Variants in CD59 observed in about 807,000 individuals in gnomAD.
The protein encoded by CD59 is CD59 molecule (CD59 blood group), also known as CD59 glycoprotein.
CD59 carries 3 observed loss-of-function variants against 7.0 expected under a neutral mutation model. The observed-to-expected ratio is 0.43, with a 90% CI of 0.19 to 1.10. The LOEUF is 1.10. Among genes scored for constraint, CD59 ranks in the 50% least tolerant of loss-of-function variants. The pLI is 0.29. For synonymous variants in CD59, 60 were observed against 62.0 expected, an observed-to-expected ratio of 0.97 and a Z score of 0.15; for missense variants, 143 against 151.0, an observed-to-expected ratio of 0.95 and a Z score of 0.28.
At chr11:33,722,518 T>C in intron 1 of CD59, 55 bp from the exon 2 acceptor site, 1 of 1,604,518 alleles carries the variant, frequency 6.2e-7, no homozygotes, top group Non-Finnish European at 8.5e-7. Context: ...CTGCTGGTTG[T>C]CTCAAAAACC....
At chr11:33,735,589 C>G (rs1477135752) in intron 1 of CD59, among the ~76,000 whole-genome samples, 2 of 152,052 alleles carry the variant, frequency 1.3e-5, no homozygotes, top group Non-Finnish European at 2.9e-5. Flanking sequence ...CGGCCCGAGC[C>G]GACCCAAGAA....
intron 1 of CD59, among the ~76,000 whole-genome samples, chr11:33,729,190 T>C (rs368504191): frequency 1.3e-5 from 2 of 152,188 alleles, no homozygotes; most frequent in East Asian, 3.8e-4. Context: ...CATTCTACTA[T>C]AAAGACACAT....
chr11:33,717,338 A>G (rs1300734990), intron 3 of CD59, 32 bp downstream of exon 3: 4 of 1,405,942 alleles, frequency 2.8e-6, no homozygotes, highest in Non-Finnish European at 4.0e-6. Context: ...TTACCCCATT[A>G]CATTTAGGAG....
Position 33,703,804 on chromosome 11 carries a change from G to A in CD59, c.*6322C>T, listed in dbSNP as rs1853196063. On this transcript the variant is annotated 3_prime_UTR_variant, in exon 4 of 4. Coordinates refer to ENST00000642928, the MANE Select transcript of CD59 (RefSeq NM_000611.6). Reference sequence around the variant, plus strand: ...CTGTCAGGAGGAGAGGGGCCAGAAGGGTCACACTGAAGAAATGTGACATGA... The same window carrying A: ...CTGTCAGGAGGAGAGGGGCCAGAAGAGTCACACTGAAGAAATGTGACATGA... 1 of 152,238 alleles carries A rather than the reference G, an allele frequency of 6.6e-6. No individual in the cohort carries two copies. Among genetic ancestry groups the A allele is most frequent in the African/African-American group, 2.4e-5 (1 of 41,426 alleles). 9.4% of individuals were successfully genotyped at this position (152,238 alleles called of 1,614,324 possible).
intron 2 of CD59, chr11:33,719,041 C>T (rs1853930343): frequency 6.6e-6 from 1 of 152,228 alleles, no homozygotes; most frequent in African/African-American, 2.4e-5. Context: ...TAAAATCTCA[C>T]AAAAGAATGT....
At chr11:33,730,013 C>T (rs2133571508) in intron 1 of CD59, among the ~76,000 whole-genome samples, 1 of 152,144 alleles carries the variant, frequency 6.6e-6, no homozygotes, top group South Asian at 2.1e-4. Context: ...AGATAAACTG[C>T]ATAGCCTAGA....
intron 3 of CD59, among the ~76,000 whole-genome samples, chr11:33,716,051 T>C (rs921646764): frequency 2.6e-5 from 4 of 152,330 alleles, no homozygotes; most frequent in East Asian, 3.9e-4. Context: ...ATGTTCTCGC[T>C]AGGGGCCTTA....
chr11:33,710,687 C>CT (rs1167159582), intron 3 of CD59, among the ~76,000 whole-genome samples: 1 of 151,474 alleles, frequency 6.6e-6, no homozygotes, highest in Non-Finnish European at 1.5e-5. Flanking sequence ...AGAATTTACG[C>CT]TATGAAGTTA....
intron 1 of CD59, among the ~76,000 whole-genome samples, chr11:33,724,500 C>T (rs576753896): frequency 5.3e-5 from 8 of 152,288 alleles, no homozygotes; most frequent in Non-Finnish European, 1.0e-4. Context: ...GAGATAGTTA[C>T]ATGTACTGCA....
intron 1 of CD59, among the ~76,000 whole-genome samples, chr11:33,735,978 G>C (rs937034452): frequency 6.6e-6 from 1 of 152,066 alleles, no homozygotes; most frequent in East Asian, 1.9e-4. Context: ...TAGACCGCGA[G>C]GGGAGAGAGG....
At chr11:33,710,425 A>G in intron 3 of CD59, 82 bp from the exon 4 acceptor site, 1 of 1,119,412 alleles carries the variant, frequency 8.9e-7, no homozygotes, top group South Asian at 1.3e-5. Context: ...TCTATTTCGT[A>G]TGTATCCTGT....
At chr11:33,721,121 A>G (rs1854040658) in intron 2 of CD59, among the ~76,000 whole-genome samples, 1 of 152,218 alleles carries the variant, frequency 6.6e-6, no homozygotes, top group South Asian at 2.1e-4. Flanking sequence ...AAATGAATAA[A>G]TAAAAAATAA....
rs544219092 is a variant in CD59 at position 33,723,369 on chromosome 11, T to A, written c.-18-906A>T. 3.9e-5 allele frequency among the ~76,000 whole-genome samples: 6 copies of A among 152,270 alleles called. No homozygotes were observed. In the East Asian group the frequency reaches 9.7e-4, roughly 25 times the overall value. On this transcript the variant is annotated intron_variant, in intron 1 of 3. Transcript: ENST00000642928. ...CCTGGGGAACTGACAATCCTGACAA[T>A]CATTCCTGTCCCTTCCTTCTCACAC...
chr11:33,724,744 G>A (rs571666479), intron 1 of CD59, among the ~76,000 whole-genome samples: 2 of 152,248 alleles, frequency 1.3e-5, no homozygotes, highest in East Asian at 1.9e-4. Flanking sequence ...CAGTTTTCTG[G>A]GATGGTTGGG....
At chr11:33,725,512 T>A (rs567718810) in intron 1 of CD59, among the ~76,000 whole-genome samples, 1 of 152,308 alleles carries the variant, frequency 6.6e-6, no homozygotes, top group East Asian at 1.9e-4. Flanking sequence ...TGATTTTTAA[T>A]CATTCTAAAG....
At chr11:33,711,431 A>G (rs1329833010) in intron 3 of CD59, 2 of 700,980 alleles carry the variant, frequency 2.9e-6, no homozygotes, top group Non-Finnish European at 5.2e-6. Context: ...TCACACCTGT[A>G]ATCCCAGCAC....
chr11:33,726,699 G>A (rs1213264687), intron 1 of CD59, among the ~76,000 whole-genome samples: 1 of 152,174 alleles, frequency 6.6e-6, no homozygotes, highest in Non-Finnish European at 1.5e-5. Flanking sequence ...GAAGGAGATA[G>A]AGATACAAAA....
intron 2 of CD59, chr11:33,718,558 A>T (rs952453375): frequency 5.9e-5 from 9 of 152,338 alleles, no homozygotes; most frequent in Non-Finnish European, 8.8e-5. Context: ...TCATTACTGA[A>T]CTACCCCCTT....
At chr11:33,735,198 T>A (rs1429548490) in intron 1 of CD59, among the ~76,000 whole-genome samples, 1 of 151,820 alleles carries the variant, frequency 6.6e-6, no homozygotes, top group African/African-American at 2.4e-5. Flanking sequence ...CCGCCAGGAG[T>A]GGAGAACTTG....
Sources: gnomAD v4.1 joint callset for allele counts (sites outside exome capture counted in the v4.1 genomes callset) on GRCh38, gnomAD v4.1.1 for gene constraint, MANE v1.5 for transcripts, NCBI Gene and HGNC (gene_info 2026-07-23, HGNC 2026-07-21) for gene names.